The following MAP2K2 variants were observed in gnomAD, a reference collection of about 807,000 sequenced individuals.
The protein encoded by MAP2K2 is dual specificity mitogen-activated protein kinase kinase 2.
Under a neutral mutation model 43.7 loss-of-function variants are expected in MAP2K2, and 24 were observed. The ratio of observed to expected loss-of-function variants is 0.55; its 90% CI spans 0.40 to 0.77. MAP2K2 has a LOEUF of 0.77. Ranked by LOEUF, MAP2K2 falls within the 30% of genes least tolerant of loss-of-function variation. The pLI is 0.00. For synonymous variants in MAP2K2, 244 were observed against 239.7 expected (o/e 1.02, Z -0.17); for missense variants, 470 against 566.8 (o/e 0.83, Z 1.73).
chr19:4,094,539 G>A (rs1315837562), intron 9 of MAP2K2, 41 bp from the exon 10 acceptor site: 2 of 1,553,158 alleles, frequency 1.3e-6, no homozygotes, highest in South Asian at 2.4e-5. Context: ...CGGTGGAGGA[G>A]ACAAGACAGG....
At chr19:4,095,902 G>C (rs2040911291) in intron 8 of MAP2K2, among the ~76,000 whole-genome samples, 1 of 152,240 alleles carries the variant, frequency 6.6e-6, no homozygotes, top group Non-Finnish European at 1.5e-5. Flanking sequence ...AGCCTCCTGA[G>C]TAGCTGGGAT....
At position 4,117,510 on chromosome 19, in the gene MAP2K2, T is replaced by C. The variant is rs2145080247; in HGVS notation, c.212A>G (p.Asp71Gly). The change falls in exon 2 of 11, where the codon GAC becomes GGC. Residue 71 changes from aspartate to glycine, a missense_variant. Asp to Gly is a moderately conservative substitution (Grantham distance 94, BLOSUM62 -1). Coordinates refer to ENST00000262948, the MANE Select transcript of MAP2K2 (RefSeq NM_030662.4). ...GCCCAGCTCTGAGATCCTTTCGAAGTCATCGTCTTTGAGTTCGCCGACCTT... is the reference window on the plus strand; with the variant it reads ...GCCCAGCTCTGAGATCCTTTCGAAGCCATCGTCTTTGAGTTCGCCGACCTT... ...KAKVGELKDD[D>G]FERISELGAG... 1 of 1,614,204 alleles carries C rather than the reference T, an allele frequency of 6.2e-7. No individual in the cohort carries two copies. The highest frequency in any genetic ancestry group is 8.5e-7 in the Non-Finnish European group (1 of 1,180,044).
intron 10 of MAP2K2, among the ~76,000 whole-genome samples, 159 bp downstream of exon 10, chr19:4,094,294 C>T (rs1320627726): frequency 6.6e-6 from 1 of 152,182 alleles, no homozygotes; most frequent in Non-Finnish European, 1.5e-5. Flanking sequence ...GAGAGAGACC[C>T]ACAGAGGGTC....
intron 3 of MAP2K2, among the ~76,000 whole-genome samples, chr19:4,106,174 G>C (rs1331888408): frequency 6.6e-6 from 1 of 152,192 alleles, no homozygotes; most frequent in East Asian, 1.9e-4. Context: ...GGGAGGCCGA[G>C]GCAGGAGGGT....
chr19:4,107,373 A>C (rs1253418413), intron 3 of MAP2K2, among the ~76,000 whole-genome samples: 1 of 151,612 alleles, frequency 6.6e-6, no homozygotes, highest in Non-Finnish European at 1.5e-5. Flanking sequence ...AAATACAAAA[A>C]ATTAGCCGGC....
Position 4,123,829 on chromosome 19 carries a change from G to C in MAP2K2, c.47C>G (p.Pro16Arg). ...KPVLPALTIN[P>R]TIAEGPSPTS... ...AGGGGATGGGCCCTCGGCGATGGTA[G>C]GGTTGATGGTGAGCGCCGGCAGCAC... The change falls in exon 1 of 11, where the codon CCT (proline) becomes CGT (arginine). Residue 16 changes from proline to arginine, a missense_variant. Coordinates refer to ENST00000262948, the MANE Select transcript of MAP2K2 (RefSeq NM_030662.4). 3.2e-6 allele frequency: 5 copies of C among 1,547,814 alleles called. No individual in the cohort carries two copies. The highest frequency in any genetic ancestry group is 4.3e-6 in the Non-Finnish European group (5 of 1,151,182).
rs370736371 is a variant in MAP2K2, at chr19:4,102,430, C to T, written c.474G>A (p.Val158=). The T allele has an allele frequency of 8.3e-5, 133 of 1,605,628 alleles. No individual in the cohort carries two copies. The highest frequency in any genetic ancestry group is 1.1e-4 in the Non-Finnish European group (126 of 1,177,020). Residue 158 remains valine, a synonymous_variant, in exon 4 of 11, where the codon GTG becomes GTA. Transcript: ENST00000262948. ...CGGGAATCCTCTTGGCCTCTTTCAG[C>T]ACCTGGTCCAGGGAGCCGCCGTCCT... is the stretch of plus-strand genomic sequence containing the variant. The part of the protein sequence containing the change: ...EHMDGGSLDQ[V]LKEAKRIPEE...
At chr19:4,121,771 C>A (rs1305354472) in intron 1 of MAP2K2, among the ~76,000 whole-genome samples, 1 of 69,392 alleles carries the variant, frequency 1.4e-5, no homozygotes, top group Non-Finnish European at 2.9e-5. Flanking sequence ...CCCCCCATGT[C>A]CTGACACCCC....
rs1398145965 is a variant in MAP2K2 at position 4,100,999 on chromosome 19, G to C, written c.705+20C>G. 23 of 1,552,158 alleles carry C rather than the reference G, an allele frequency of 1.5e-5. No individual in the cohort carries two copies. Among genetic ancestry groups the C allele is most frequent in the Admixed American group, 2.0e-5 (1 of 51,080 alleles). On this transcript the variant is annotated intron_variant, in intron 6 of 10. Coordinates refer to ENST00000262948, the MANE Select transcript of MAP2K2 (RefSeq NM_030662.4). ...AGCAGCAGGGAGGAGAGCTGGAGGG[G>C]AGAGCCAGCGGGGACTCACAGCCAT...
At chr19:4,095,009 G>A in intron 9 of MAP2K2, 1 of 360,932 alleles carries the variant, frequency 2.8e-6, no homozygotes, top group Non-Finnish European at 5.2e-6. Flanking sequence ...GTGCTTGGGG[G>A]CAGGAGAATG....
At chr19:4,112,693 G>C (rs1004641797) in intron 2 of MAP2K2, among the ~76,000 whole-genome samples, 1 of 151,838 alleles carries the variant, frequency 6.6e-6, no homozygotes, top group Non-Finnish European at 1.5e-5. Flanking sequence ...CCCCTGTAGC[G>C]CTGGCTTCTC....
At chr19:4,105,373 A>G (rs901530594) in intron 3 of MAP2K2, among the ~76,000 whole-genome samples, 4 of 149,918 alleles carry the variant, frequency 2.7e-5, no homozygotes, top group African/African-American at 7.4e-5. Flanking sequence ...GGTTCACGCC[A>G]TTCTCCTGCC....
Position 4,099,254 on chromosome 19 carries a change from CCTT to C in MAP2K2, c.863_865del (p.Glu288del), listed in dbSNP as rs763469132. 2.6e-5 allele frequency: 41 copies of C among 1,605,892 alleles called. No homozygotes were observed. In the Admixed American group the frequency reaches 2.7e-4, roughly 11 times the overall value. ...CCGAGGCGAGATGCTGTGAGGCTCT[CCTT>C]CTTCCCCGTCGACCACGGGCCGGCC... On this transcript the variant is annotated inframe_deletion, in exon 7 of 11. Coordinates refer to ENST00000262948, the MANE Select transcript of MAP2K2 (RefSeq NM_030662.4).
intron 10 of MAP2K2, among the ~76,000 whole-genome samples, chr19:4,092,054 C>T (rs755687808): frequency 2.0e-5 from 3 of 152,124 alleles, no homozygotes; most frequent in African/African-American, 4.8e-5. Flanking sequence ...AGGGCGGGTG[C>T]CCTTGGGGAA....
intron 10 of MAP2K2, among the ~76,000 whole-genome samples, chr19:4,093,890 G>A (rs1049206891): frequency 2.0e-5 from 3 of 152,130 alleles, no homozygotes; most frequent in South Asian, 2.1e-4. Context: ...GAAAGCACTC[G>A]GGATGCAGGC....
intron 3 of MAP2K2, among the ~76,000 whole-genome samples, chr19:4,108,864 G>T (rs2041121513): frequency 6.6e-6 from 1 of 152,142 alleles, no homozygotes; most frequent in South Asian, 2.1e-4. Context: ...GAGGAATAGG[G>T]AGCACCACAT....
rs1286475115 is a variant in MAP2K2, at chr19:4,115,406, G to C, written c.303+2013C>G. ...TTCATGTCCACTGCCCAGCCCATCAGGGACCACTGGAGGCTCCCCCAGAAG... is the reference window on the plus strand; with the variant it reads ...TTCATGTCCACTGCCCAGCCCATCACGGACCACTGGAGGCTCCCCCAGAAG... On this transcript the variant is annotated intron_variant, in intron 2 of 10. Coordinates refer to ENST00000262948, the MANE Select transcript of MAP2K2 (RefSeq NM_030662.4). This position sits in a 1 kb window ranked among gnomAD's most constrained non-coding sequence, Gnocchi z 4.1. Among the ~76,000 whole-genome samples the C allele has an allele frequency of 2.6e-5, 4 of 152,174 alleles. No individual in the cohort carries two copies. The highest frequency in any genetic ancestry group is 5.9e-5 in the Non-Finnish European group (4 of 68,028).
chr19:4,110,990 C>T (rs929835297), intron 2 of MAP2K2, among the ~76,000 whole-genome samples: 2 of 152,142 alleles, frequency 1.3e-5, no homozygotes, highest in Non-Finnish European at 2.9e-5. Flanking sequence ...CCGGCCACAG[C>T]GTGGGTGAAC....
chr19:4,094,720 G>T, intron 9 of MAP2K2: 1 of 577,046 alleles, frequency 1.7e-6, no homozygotes, highest in South Asian at 2.0e-5. Context: ...CCCCCCAGCG[G>T]GAGGGTGAGA....
Sources: allele counts gnomAD v4.1 joint callset (sites outside exome capture counted in the v4.1 genomes callset), GRCh38; gene constraint gnomAD v4.1.1; non-coding constraint Gnocchi (gnomAD v3.1); transcripts MANE v1.5; gene names NCBI Gene and HGNC (gene_info 2026-07-23, HGNC 2026-07-21).